The following CPQ variants were observed in gnomAD, a reference collection of about 807,000 sequenced individuals.
CPQ encodes the protein Ser-Met dipeptidase.
A neutral mutation model predicts 45.7 loss-of-function variants in CPQ; 37 were observed. The observed-to-expected ratio is 0.81, with a 90% CI of 0.62 to 1.07. The LOEUF is 1.07. Ranked by LOEUF, CPQ falls within the 50% of genes least tolerant of loss-of-function variation. CPQ has a pLI of 0.00. For synonymous variants in CPQ, 186 were observed against 205.8 expected (o/e 0.90, Z 0.82); for missense variants, 537 against 572.9 (o/e 0.94, Z 0.64).
chr8:97,136,085 G>T (rs1034701210), intron 7 of CPQ, among the ~76,000 whole-genome samples: 2 of 152,130 alleles, frequency 1.3e-5, no homozygotes, highest in Non-Finnish European at 2.9e-5. Context: ...GCTGTGAACA[G>T]TATGGGGCAG....
At chr8:97,043,143 G>T (rs1810163501) in intron 6 of CPQ, among the ~76,000 whole-genome samples, 1 of 152,156 alleles carries the variant, frequency 6.6e-6, no homozygotes, top group African/African-American at 2.4e-5. Flanking sequence ...AAGTCACTCA[G>T]GGCTTGCTTT....
chr8:97,053,098 A>C (rs1810389356), intron 6 of CPQ, among the ~76,000 whole-genome samples: 1 of 152,204 alleles, frequency 6.6e-6, no homozygotes, highest in African/African-American at 2.4e-5. Flanking sequence ...ATCATCCAAA[A>C]TGGCATCTAG....
At chr8:96,751,008 T>G (rs904368056) in intron 1 of CPQ, among the ~76,000 whole-genome samples, 39 of 152,342 alleles carry the variant, frequency 2.6e-4, no homozygotes, top group African/African-American at 9.4e-4. Context: ...TATGTATATG[T>G]ACCACATTTT....
At chr8:97,080,578 T>A (rs1434068311) in intron 7 of CPQ, among the ~76,000 whole-genome samples, 1 of 152,184 alleles carries the variant, frequency 6.6e-6, no homozygotes, top group Non-Finnish European at 1.5e-5. Context: ...CTTAAACTCT[T>A]CCCTTTGCTC....
chr8:96,943,498 G>T (rs1414678928), intron 4 of CPQ, among the ~76,000 whole-genome samples: 4 of 152,124 alleles, frequency 2.6e-5, no homozygotes, highest in African/African-American at 9.7e-5. Flanking sequence ...ATAATAAGCA[G>T]CACTTTAAGT....
intron 5 of CPQ, among the ~76,000 whole-genome samples, chr8:96,987,921 T>C (rs980397634): frequency 2.0e-5 from 3 of 152,338 alleles, no homozygotes; most frequent in Middle Eastern, 3.4e-3. Context: ...ATAAAGTGAA[T>C]TCCCATGATG....
Position 96,833,823 on chromosome 8 carries a change from G to A in CPQ, c.434-1150G>A, listed in dbSNP as rs112849988. The stretch of plus-strand genomic sequence containing the variant: ...GGTACCAGGGGTAGCCAGCCCAAAG[G>A]GCCCATTATGATGAGGCCTATATTG... On this transcript the variant is annotated intron_variant, in intron 2 of 7. Coordinates refer to ENST00000220763, the MANE Select transcript of CPQ (RefSeq NM_016134.4). Among the ~76,000 whole-genome samples, 173 of 152,152 alleles carry A rather than the reference G, an allele frequency of 1.1e-3. 1 individual carries two copies. The highest frequency in any genetic ancestry group is 3.3e-3 in the African/African-American group (139 of 41,510).
chr8:96,761,808 C>T (rs1810409231), intron 1 of CPQ, among the ~76,000 whole-genome samples: 1 of 152,196 alleles, frequency 6.6e-6, no homozygotes, highest in African/African-American at 2.4e-5. Context: ...ATAACTGTTA[C>T]CTCCGCTAAT....
At chr8:97,068,109 G>A (rs1182000078) in intron 7 of CPQ, among the ~76,000 whole-genome samples, 1 of 152,108 alleles carries the variant, frequency 6.6e-6, no homozygotes, top group Admixed American at 6.6e-5. Flanking sequence ...CCCATCCCAG[G>A]TATTTCTTTT....
At chr8:97,112,784 G>A (rs141210451) in intron 7 of CPQ, among the ~76,000 whole-genome samples, 1 of 152,346 alleles carries the variant, frequency 6.6e-6, no homozygotes, top group African/African-American at 2.4e-5. Context: ...GAGGGGCAGT[G>A]CTGATGGCGT....
chr8:96,863,922 ATGT>A (rs1213171788), intron 3 of CPQ, among the ~76,000 whole-genome samples: 1 of 152,046 alleles, frequency 6.6e-6, no homozygotes, highest in East Asian at 1.9e-4. Flanking sequence ...AATGGTTTTG[ATGT>A]TGGCATCAGA....
Position 96,802,156 on chromosome 8 carries a change from C to CT in CPQ, c.433+16833dup, listed in dbSNP as rs144881680. Among the ~76,000 whole-genome samples, 148 of 151,988 alleles carry CT rather than the reference C, an allele frequency of 9.7e-4. 4 individuals carry two copies. The East Asian group carries it at 0.024, about 25-fold the overall frequency. On this transcript the variant is annotated intron_variant, in intron 2 of 7. Transcript: ENST00000220763. The stretch of plus-strand genomic sequence containing the variant: ...TGACTGTGTCTCTTTGTTTTTATCT[C>CT]TTTTTTTCCCCTCTCCTAGTTTCTG...
At chr8:96,701,803 G>C (rs370502493) in intron 1 of CPQ, among the ~76,000 whole-genome samples, 1 of 152,180 alleles carries the variant, frequency 6.6e-6, no homozygotes, top group African/African-American at 2.4e-5. Flanking sequence ...CTCAGAGCAG[G>C]CCTCAGTGTC....
intron 1 of CPQ, chr8:96,680,407 A>G (rs1242053877): frequency 6.6e-6 from 1 of 152,166 alleles, no homozygotes; most frequent in Non-Finnish European, 1.5e-5. Context: ...CATGATAGTG[A>G]ATAAGTCTCA....
At chr8:96,684,444 T>G in intron 1 of CPQ, among the ~76,000 whole-genome samples, 1 of 152,210 alleles carries the variant, frequency 6.6e-6, no homozygotes, top group East Asian at 1.9e-4. Context: ...ATGCCTGTCC[T>G]CAAGTCCCTG....
chr8:96,806,477 G>A (rs530134981), intron 2 of CPQ, among the ~76,000 whole-genome samples: 40 of 152,210 alleles, frequency 2.6e-4, no homozygotes, highest in Admixed American at 9.2e-4. Flanking sequence ...CATATTTATA[G>A]CAGTGTTGTT....
intron 6 of CPQ, among the ~76,000 whole-genome samples, chr8:97,064,359 T>C (rs1810601533): frequency 6.6e-6 from 1 of 152,168 alleles, no homozygotes; most frequent in South Asian, 2.1e-4. Flanking sequence ...TTAGCATCAG[T>C]GTACTAGTTA....
At chr8:97,052,729 AC>A (rs1810383812) in intron 6 of CPQ, among the ~76,000 whole-genome samples, 1 of 152,112 alleles carries the variant, frequency 6.6e-6, no homozygotes, top group Non-Finnish European at 1.5e-5. Context: ...AGATTTTGCC[AC>A]CTAGCCTCCA....
intron 1 of CPQ, among the ~76,000 whole-genome samples, chr8:96,669,559 A>G (rs1716140384): frequency 6.6e-6 from 1 of 152,212 alleles, no homozygotes; most frequent in Non-Finnish European, 1.5e-5. Context: ...CTTGTCACAG[A>G]AAGACAGGAG....
Sources: allele counts gnomAD v4.1 joint callset (sites outside exome capture counted in the v4.1 genomes callset), GRCh38; gene constraint gnomAD v4.1.1; transcripts MANE v1.5; gene names NCBI Gene and HGNC (gene_info 2026-07-23, HGNC 2026-07-21).